Variants in LMBR1 observed in about 807,000 individuals in gnomAD.
LMBR1 encodes limb region 1 protein homolog.
Under a neutral mutation model 73.9 loss-of-function variants are expected in LMBR1, and 52 were observed. The ratio of observed to expected loss-of-function variants is 0.70; its 90% CI spans 0.56 to 0.89. The LOEUF (loss-of-function observed/expected upper bound fraction) is 0.89. Ranked by LOEUF, LMBR1 falls within the 40% of genes least tolerant of loss-of-function variation. The pLI, the probability that LMBR1 is intolerant of heterozygous loss-of-function variation, is 0.00. For missense variants in LMBR1, 539 were observed against 579.8 expected (o/e 0.93, Z 0.72); for synonymous variants, 215 against 209.4 (o/e 1.03, Z -0.23).
At chr7:156,876,440 GGAT>G (rs1259308885) in intron 1 of LMBR1, among the ~76,000 whole-genome samples, 1 of 151,956 alleles carries the variant, frequency 6.6e-6, no homozygotes, top group African/African-American at 2.4e-5. Context: ...AAGAAACAAT[GGAT>G]TTAAACTATA....
At chr7:156,684,773 A>G (rs1805664491) in intron 16 of LMBR1, among the ~76,000 whole-genome samples, 1 of 152,220 alleles carries the variant, frequency 6.6e-6, no homozygotes. Context: ...CCTGGGCAAC[A>G]TTGTGAAACC....
chr7:156,791,150 C>A (rs906922226), intron 5 of LMBR1, among the ~76,000 whole-genome samples: 3 of 152,098 alleles, frequency 2.0e-5, no homozygotes, highest in Non-Finnish European at 4.4e-5. Flanking sequence ...GTAATAAACA[C>A]TAAGATCAAA....
chr7:156,892,988 T>C lies in LMBR1; in HGVS notation c.6A>G (p.Glu2=), dbSNP rs1271520871. The change falls in exon 1 of 17, where the codon GAA becomes GAG. Residue 2 remains glutamate (E), a synonymous_variant. Transcript: ENST00000353442. ...CCCGCGCCGACACCTCGTCCTGCCCTTCCATCCTCCTTCATGCCCGCCGCC... is the reference window on the plus strand; with the variant it reads ...CCCGCGCCGACACCTCGTCCTGCCCCTCCATCCTCCTTCATGCCCGCCGCC... M[E]GQDEVSAREQ... 1 of 1,534,074 alleles carries C rather than the reference T, an allele frequency of 6.5e-7. No homozygotes were observed. The highest frequency in any genetic ancestry group is 1.2e-5 in the South Asian group (1 of 83,700).
chr7:156,846,545 T>G lies in LMBR1; in HGVS notation c.67-9660A>C, dbSNP rs1795502672. 2.0e-5 allele frequency among the ~76,000 whole-genome samples: 3 copies of G among 152,106 alleles called. No homozygotes were observed. In the South Asian group the frequency reaches 6.2e-4, roughly 31 times the overall value. On this transcript the variant is annotated intron_variant, in intron 1 of 16. Coordinates refer to ENST00000353442, the MANE Select transcript of LMBR1 (RefSeq NM_022458.4). ...AAACTCTGAAAGAAATCAAAGAACT[T>G]AATTAGTGGAGAGAGATTGCATGTT...
intron 1 of LMBR1, among the ~76,000 whole-genome samples, chr7:156,868,195 C>CTT (rs537282265): frequency 2.2e-4 from 31 of 138,692 alleles, no homozygotes; most frequent in African/African-American, 6.3e-4. Context: ...AGGAGATTTT[C>CTT]TTTTTTTTTT....
chr7:156,741,196 C>T (rs2132591025), intron 9 of LMBR1, among the ~76,000 whole-genome samples: 1 of 152,046 alleles, frequency 6.6e-6, no homozygotes, highest in South Asian at 2.1e-4. Context: ...AATCCTACAA[C>T]CAGAGAAAAT....
chr7:156,684,184 T>C (rs1805521535), intron 16 of LMBR1, 21 bp from the exon 17 acceptor site: 1 of 1,574,572 alleles, frequency 6.4e-7, no homozygotes, highest in Non-Finnish European at 8.7e-7. Context: ...ATTAAGAAAA[T>C]GGTGAGAAAT....
chr7:156,793,831 CA>C (rs1297097056), intron 5 of LMBR1, among the ~76,000 whole-genome samples: 2 of 152,072 alleles, frequency 1.3e-5, no homozygotes, highest in Non-Finnish European at 2.9e-5. Context: ...ATTTAATCAC[CA>C]AAATGATACA....
In LMBR1 at chr7:156,833,782, T is replaced by A; in HGVS notation, c.150A>T (p.Glu50Asp). The change falls in exon 3 of 17, where the codon GAA becomes GAT. Residue 50 changes from glutamate to aspartate, a missense_variant. This residue lies in a region of LMBR1 where 454 missense variants were observed against 473.4 expected (regional missense o/e 0.96). Transcript: ENST00000353442. ...TCCTGTTGACGATGGCATCTTCATC[T>A]TCTTGTTCATCTGCAAAAATGTTTA... Reference protein sequence around the residue: ...TRYKRKSDEQEDEDAIVNRIS... With the variant: ...TRYKRKSDEQDDEDAIVNRIS... 1 of 1,596,012 alleles carries A rather than the reference T, an allele frequency of 6.3e-7. No homozygotes were observed. The highest frequency in any genetic ancestry group is 2.3e-5 in the East Asian group (1 of 44,232).
chr7:156,811,102 C>G (rs576062439), intron 4 of LMBR1, among the ~76,000 whole-genome samples: 3 of 152,230 alleles, frequency 2.0e-5, no homozygotes, highest in African/African-American at 7.2e-5. Context: ...TGAGCCACAG[C>G]GCCCAGCCCC....
chr7:156,881,578 T>C (rs1801096141), intron 1 of LMBR1, among the ~76,000 whole-genome samples: 1 of 152,114 alleles, frequency 6.6e-6, no homozygotes, highest in Admixed American at 6.5e-5. Flanking sequence ...ACTGTATATC[T>C]GAAAAGGGGT....
At chr7:156,765,429 C>T (rs897658199) in intron 5 of LMBR1, among the ~76,000 whole-genome samples, 2 of 152,150 alleles carry the variant, frequency 1.3e-5, no homozygotes, top group African/African-American at 4.8e-5. Flanking sequence ...TTGTAAGTTT[C>T]CTGAGGCACC....
intron 4 of LMBR1, among the ~76,000 whole-genome samples, chr7:156,800,435 A>T (rs1010962320): frequency 6.8e-6 from 1 of 148,020 alleles, no homozygotes; most frequent in Non-Finnish European, 1.5e-5. Context: ...ATCTGTTTAC[A>T]GCATGGTTTA....
intron 5 of LMBR1, among the ~76,000 whole-genome samples, chr7:156,774,933 A>G (rs769206354): frequency 1.3e-5 from 2 of 152,256 alleles, no homozygotes; most frequent in Admixed American, 1.3e-4. Flanking sequence ...CAAACAGTGC[A>G]TGTTCTCCCC....
chr7:156,754,010 A>T (rs999519301), intron 9 of LMBR1, among the ~76,000 whole-genome samples: 1 of 151,892 alleles, frequency 6.6e-6, no homozygotes, highest in Non-Finnish European at 1.5e-5. Context: ...CTCGAGACTC[A>T]GCGTCTTAAT....
At chr7:156,803,497 A>G (rs1402620946) in intron 4 of LMBR1, among the ~76,000 whole-genome samples, 1 of 152,168 alleles carries the variant, frequency 6.6e-6, no homozygotes, top group East Asian at 1.9e-4. Context: ...AAAAGTCAGG[A>G]AACAACAGGT....
At chr7:156,767,702 A>G (rs991926210) in intron 5 of LMBR1, among the ~76,000 whole-genome samples, 1 of 151,946 alleles carries the variant, frequency 6.6e-6, no homozygotes, top group African/African-American at 2.4e-5. Context: ...TAATATAGTA[A>G]AAAACAGAAA....
At chr7:156,744,220 C>A (rs899109961) in intron 9 of LMBR1, among the ~76,000 whole-genome samples, 1 of 152,090 alleles carries the variant, frequency 6.6e-6, no homozygotes, top group Non-Finnish European at 1.5e-5. Context: ...CAACTGCAGT[C>A]TTTATTCCTC....
chr7:156,699,366 A>C (rs1809098235), intron 15 of LMBR1, among the ~76,000 whole-genome samples: 1 of 151,988 alleles, frequency 6.6e-6, no homozygotes, highest in African/African-American at 2.4e-5. Context: ...AGAAAGCTGA[A>C]ACTGGATCCC....
Sources: gnomAD v4.1 joint callset for allele counts (sites outside exome capture counted in the v4.1 genomes callset) on GRCh38, gnomAD v4.1.1 for gene constraint, gnomAD v4.1.1 regional missense constraint, MANE v1.5 for transcripts, NCBI Gene and HGNC (gene_info 2026-07-23, HGNC 2026-07-21) for gene names.